The following PRKG1 variants were observed in gnomAD, a reference collection of about 807,000 sequenced individuals.
The protein encoded by PRKG1 is protein kinase cGMP-dependent 1.
A neutral mutation model predicts 88.1 loss-of-function variants in PRKG1; 35 were observed. The ratio of observed to expected loss-of-function variants is 0.40; its 90% CI spans 0.30 to 0.53. The LOEUF (loss-of-function observed/expected upper bound fraction) is 0.53. PRKG1 is among the 20% of genes least tolerant of loss of function. The probability of loss-of-function intolerance (pLI) is 0.59; values close to 1 mark genes in which losing one functional copy is unlikely to be tolerated. For synonymous variants in PRKG1, 303 were observed against 292.5 expected (o/e 1.04, Z -0.37); for missense variants, 540 against 839.8 (o/e 0.64, Z 4.41).
chr10:51,134,966 T>G (rs1165833075), intron 1 of PRKG1, among the ~76,000 whole-genome samples: 1 of 152,192 alleles, frequency 6.6e-6, no homozygotes. Context: ...TTAGCAGCAA[T>G]TTGAATAACT....
At chr10:51,459,544 C>T (rs1210681481) in intron 2 of PRKG1, among the ~76,000 whole-genome samples, 1 of 152,060 alleles carries the variant, frequency 6.6e-6, no homozygotes, top group East Asian at 1.9e-4. Context: ...AAAAACTACT[C>T]AACGTATATA....
chr10:51,879,591 G>A (rs1841386273), intron 4 of PRKG1, among the ~76,000 whole-genome samples: 1 of 152,202 alleles, frequency 6.6e-6, no homozygotes, highest in African/African-American at 2.4e-5. Flanking sequence ...CTCTCTCAGT[G>A]TGAGCAACCC....
chr10:51,150,377 T>A (rs541044804), intron 1 of PRKG1, among the ~76,000 whole-genome samples: 1 of 152,226 alleles, frequency 6.6e-6, no homozygotes, highest in African/African-American at 2.4e-5. Flanking sequence ...TAGTCTATAA[T>A]GTTGGAGAAA....
chr10:52,241,051 AT>A (rs1564528812), intron 9 of PRKG1, among the ~76,000 whole-genome samples: 3 of 152,132 alleles, frequency 2.0e-5, no homozygotes, highest in Non-Finnish European at 4.4e-5. Context: ...CCATATTCTA[AT>A]ATGAATCTTG....
chr10:51,925,200 T>C (rs1352313320), intron 5 of PRKG1, among the ~76,000 whole-genome samples: 1 of 10,514 alleles, frequency 9.5e-5, no homozygotes, highest in African/African-American at 6.9e-4. Flanking sequence ...AGTGGGAGGT[T>C]TTTTTTTTGT....
intron 3 of PRKG1, among the ~76,000 whole-genome samples, chr10:51,488,619 T>C (rs922366461): frequency 6.6e-6 from 1 of 152,154 alleles, no homozygotes; most frequent in Non-Finnish European, 1.5e-5. Flanking sequence ...CCTAGATGTG[T>C]TTAACTAGGA....
intron 3 of PRKG1, among the ~76,000 whole-genome samples, chr10:51,561,893 G>A (rs1837471553): frequency 6.6e-6 from 1 of 151,914 alleles, no homozygotes; most frequent in Admixed American, 6.6e-5. Context: ...AGTGCTACTG[G>A]CAGGTCTATC....
intron 3 of PRKG1, among the ~76,000 whole-genome samples, chr10:51,612,687 T>A (rs1838942996): frequency 6.6e-6 from 1 of 152,076 alleles, no homozygotes; most frequent in African/African-American, 2.4e-5. Context: ...AAAATGTGCA[T>A]CCTTGTCTTG....
At chr10:52,293,276 G>A (rs928650158) in intron 17 of PRKG1, among the ~76,000 whole-genome samples, 67 of 151,842 alleles carry the variant, frequency 4.4e-4, no homozygotes, top group African/African-American at 1.5e-3. Context: ...ACAAACAAAT[G>A]GAAGAACATT....
intron 4 of PRKG1, among the ~76,000 whole-genome samples, chr10:51,853,239 G>A (rs1473946539): frequency 2.0e-5 from 3 of 152,020 alleles, no homozygotes; most frequent in East Asian, 1.9e-4. Context: ...TATTACTTGG[G>A]CATCTATTAT....
chr10:51,149,889 A>C (rs1013340052), intron 1 of PRKG1, among the ~76,000 whole-genome samples: 2 of 152,072 alleles, frequency 1.3e-5, no homozygotes, highest in East Asian at 3.9e-4. Context: ...CCCAAGCCAG[A>C]CAGCCAGAAT....
At chr10:51,509,236 G>C (rs1402163904) in intron 3 of PRKG1, among the ~76,000 whole-genome samples, 1 of 152,130 alleles carries the variant, frequency 6.6e-6, no homozygotes, top group African/African-American at 2.4e-5. Flanking sequence ...TAATATGTAT[G>C]CCTGTATATT....
chr10:51,821,614 G>A lies in PRKG1; in HGVS notation c.698+16924G>A, dbSNP rs1341579012. Among the ~76,000 whole-genome samples, 6 of 151,970 alleles carry A rather than the reference G, an allele frequency of 3.9e-5. No homozygotes were observed. The South Asian group carries it at 8.3e-4, about 21-fold the overall frequency. The stretch of plus-strand genomic sequence containing the variant: ...ACCCCATTAACAATATTTTTAGCAC[G>A]TTGACCTATATATTTATATTTAGCA... On this transcript the variant is annotated intron_variant, in intron 4 of 17. Coordinates refer to ENST00000373980, the MANE Select transcript of PRKG1 (RefSeq NM_006258.4).
At chr10:51,459,900 C>T (rs1839701276) in intron 2 of PRKG1, among the ~76,000 whole-genome samples, 2 of 152,120 alleles carry the variant, frequency 1.3e-5, no homozygotes, top group South Asian at 2.1e-4. Context: ...CAACCTGATG[C>T]TGCCCTTTTA....
At chr10:52,154,146 A>C (rs965316849) in intron 8 of PRKG1, among the ~76,000 whole-genome samples, 10 of 152,156 alleles carry the variant, frequency 6.6e-5, no homozygotes, top group Non-Finnish European at 1.3e-4. Context: ...AGTATGGTTA[A>C]ATTTTGATTA....
intron 3 of PRKG1, among the ~76,000 whole-genome samples, chr10:51,635,668 T>A (rs1281024855): frequency 6.6e-6 from 1 of 152,134 alleles, no homozygotes; most frequent in Admixed American, 6.6e-5. Flanking sequence ...TGAATTAATG[T>A]GAATTGCTTT....
chr10:51,079,474 C>T (rs540643569), intron 1 of PRKG1, among the ~76,000 whole-genome samples: 145 of 152,200 alleles, frequency 9.5e-4, no homozygotes, highest in Non-Finnish European at 1.3e-3. Flanking sequence ...GAAATACATT[C>T]CAAGCCATTA....
At chr10:51,582,756 G>A (rs1254807095) in intron 3 of PRKG1, among the ~76,000 whole-genome samples, 1 of 152,086 alleles carries the variant, frequency 6.6e-6, no homozygotes, top group Non-Finnish European at 1.5e-5. Flanking sequence ...ATAGTGGAGA[G>A]TAGCTGCTTT....
intron 2 of PRKG1, among the ~76,000 whole-genome samples, chr10:51,374,991 G>T (rs1426890683): frequency 6.6e-6 from 1 of 152,152 alleles, no homozygotes; most frequent in Non-Finnish European, 1.5e-5. Flanking sequence ...GAGAGAGAGA[G>T]AGTCAGTAGA....
Sources: gnomAD v4.1 joint callset for allele counts (sites outside exome capture counted in the v4.1 genomes callset) on GRCh38, gnomAD v4.1.1 for gene constraint, MANE v1.5 for transcripts, NCBI Gene and HGNC (gene_info 2026-07-23, HGNC 2026-07-21) for gene names.